SSR3: variants seen among roughly 807,000 people sequenced by gnomAD.
SSR3 encodes the protein translocon-associated protein subunit gamma.
SSR3 carries 10 observed loss-of-function variants against 22.1 expected under a neutral mutation model. The ratio of observed to expected loss-of-function variants is 0.45; its 90% CI spans 0.28 to 0.77. The LOEUF is 0.77. Among genes scored for constraint, SSR3 ranks in the 30% least tolerant of loss-of-function variants. The pLI is 0.13. For synonymous variants in SSR3, 104 were observed against 82.5 expected (o/e 1.26, Z -1.42); for missense variants, 181 against 220.5 (o/e 0.82, Z 1.13).
In SSR3 at chr3:156,540,526, A is replaced by T. The variant is rs1330449309; in HGVS notation, c.*2677T>A. On this transcript the variant is annotated 3_prime_UTR_variant, in exon 5 of 5. Coordinates refer to ENST00000265044, the MANE Select transcript of SSR3 (RefSeq NM_007107.5). ...CAGGCTGAGGCAGGAGAATGGCGTG[A>T]ACCTGGGAGGCGGAGCTCGCAGTGA... 1 of 145,880 alleles carries T rather than the reference A, an allele frequency of 6.9e-6. No individual in the cohort carries two copies. Among genetic ancestry groups the T allele is most frequent in the Non-Finnish European group, 1.5e-5 (1 of 67,220 alleles). 9.0% of individuals were successfully genotyped at this position (145,880 alleles called of 1,614,324 possible).
intron 3 of SSR3, among the ~76,000 whole-genome samples, chr3:156,546,194 G>C (rs979919214): frequency 6.6e-6 from 1 of 152,208 alleles, no homozygotes; most frequent in Admixed American, 6.5e-5. Context: ...TGCCACTCTC[G>C]TGACAGTGAG....
At position 156,541,276 on chromosome 3, in the gene SSR3, G is replaced by C. The variant is rs1442732694; in HGVS notation, c.*1927C>G. 6.6e-6 allele frequency: 1 copy of C among 152,118 alleles called. No individual in the cohort carries two copies. The highest frequency in any genetic ancestry group is 2.4e-5 in the African/African-American group (1 of 41,412). The allele number at this position is 152,118 out of a possible 1,614,324, so 9.4% of individuals were successfully genotyped here. On this transcript the variant is annotated 3_prime_UTR_variant, in exon 5 of 5. Transcript: ENST00000265044. ...TTCACCAGCAATTTTAAAAGATAGT[G>C]GCCCAACTCTGGTAACAAATAGTGG...
rs1576998090 is a variant in SSR3 at position 156,543,134 on chromosome 3, A to C, written c.*69T>G. On this transcript the variant is annotated 3_prime_UTR_variant, in exon 5 of 5. Coordinates refer to ENST00000265044, the MANE Select transcript of SSR3 (RefSeq NM_007107.5). ...ACATCTTGTGTCTCCCACCCTGACC[A>C]CCCTGCTACTTTTCCATATACCACA... is the stretch of plus-strand genomic sequence containing the variant. The C allele has an allele frequency of 7.1e-7, 1 of 1,404,838 alleles. No individual in the cohort carries two copies. Among genetic ancestry groups the C allele is most frequent in the African/African-American group, 1.4e-5 (1 of 69,932 alleles). The allele number at this position is 1,404,838 out of a possible 1,614,324, so 87.0% of individuals were successfully genotyped here.
chr3:156,544,415 A>T lies in SSR3; in HGVS notation c.384T>A (p.Val128=). The T allele has an allele frequency of 6.3e-7, 1 of 1,585,948 alleles. No individual in the cohort carries two copies. Among genetic ancestry groups the T allele is most frequent in the Non-Finnish European group, 8.6e-7 (1 of 1,167,044 alleles). The part of the protein sequence containing the change: ...DERILWKKNE[V]ADYEATTFSI... ...AAAATGTTGTAGCTTCATAATCAGC[A>T]ACTTCATTCTTCTTCCACAAGATTC... The change falls in exon 4 of 5, where the codon GTT becomes GTA. Residue 128 remains valine, a synonymous_variant. Coordinates refer to ENST00000265044, the MANE Select transcript of SSR3 (RefSeq NM_007107.5).
At chr3:156,543,314 G>A (rs1215710199) in intron 4 of SSR3, 45 bp from the exon 5 acceptor site, 2 of 1,520,784 alleles carry the variant, frequency 1.3e-6, no homozygotes, top group African/African-American at 2.8e-5. Flanking sequence ...ACTCCAAATT[G>A]GTTTTTTGAG....
At chr3:156,543,347 G>T in intron 4 of SSR3, 78 bp from the exon 5 acceptor site, 1 of 1,033,846 alleles carries the variant, frequency 9.7e-7, no homozygotes, top group Non-Finnish European at 1.5e-6. Context: ...CCATCTCTTT[G>T]GAATGTACTG....
intron 2 of SSR3, chr3:156,551,330 G>A (rs1463600731): frequency 6.6e-6 from 1 of 152,072 alleles, no homozygotes; most frequent in African/African-American, 2.4e-5. Flanking sequence ...ATGTTATGAA[G>A]AATAAGTAAA....
At position 156,543,182 on chromosome 3, in the gene SSR3, A is replaced by G; in HGVS notation, c.*21T>C. On this transcript the variant is annotated 3_prime_UTR_variant, in exon 5 of 5. Transcript: ENST00000265044. ...ACAGGCCACCCATAGACACAAAGCCAGGGGGTGAAGCTGACATGGTCTATT... is the reference window on the plus strand; with the variant it reads ...ACAGGCCACCCATAGACACAAAGCCGGGGGGTGAAGCTGACATGGTCTATT... 6.2e-7 allele frequency: 1 copy of G among 1,611,708 alleles called. No individual in the cohort carries two copies. The highest frequency in any genetic ancestry group is 8.5e-7 in the Non-Finnish European group (1 of 1,178,632).
At position 156,553,678 on chromosome 3, in the gene SSR3, A is replaced by G; in HGVS notation, c.237T>C (p.Asn79=). The G allele has an allele frequency of 6.2e-7, 1 of 1,611,848 alleles. No individual in the cohort carries two copies. The highest frequency in any genetic ancestry group is 8.5e-7 in the Non-Finnish European group (1 of 1,179,808). Residue 79 remains asparagine, a synonymous_variant, in exon 2 of 5, where the codon AAT becomes AAC. Transcript: ENST00000265044. The part of the protein sequence containing the change: ...STYLVAFAYK[N]VKFVLKHKVA... ...ACTTGTGCTTGAGAACAAATTTCAC[A>G]TTCTTGTATGCAAAGGCTACCAAAT...
rs946976180 is a variant in SSR3 at position 156,554,555 on chromosome 3, C to T, written c.133+402G>A. ...TCAGTGGGTCACTTCATGGGTTTCTCACCTAACTAATTTATGCAAAATAAG... is the reference window on the plus strand; with the variant it reads ...TCAGTGGGTCACTTCATGGGTTTCTTACCTAACTAATTTATGCAAAATAAG... On this transcript the variant is annotated intron_variant, in intron 1 of 4. Coordinates refer to ENST00000265044, the MANE Select transcript of SSR3 (RefSeq NM_007107.5). 3.3e-5 allele frequency among the ~76,000 whole-genome samples: 5 copies of T among 152,192 alleles called. No homozygotes were observed. The South Asian group carries it at 8.3e-4, about 25-fold the overall frequency.
intron 3 of SSR3, 22 bp downstream of exon 3, chr3:156,548,883 A>T: frequency 6.2e-7 from 1 of 1,611,000 alleles, no homozygotes; most frequent in Non-Finnish European, 8.5e-7. Flanking sequence ...TATGATGGCC[A>T]TACTTTAAAC....
intron 2 of SSR3, 57 bp from the exon 3 acceptor site, chr3:156,549,060 ACT>A (rs1401517354): frequency 3.9e-6 from 6 of 1,525,958 alleles, no homozygotes; most frequent in African/African-American, 1.4e-5. Context: ...TGAACATCAC[ACT>A]CTCTCAGAAA....
At chr3:156,549,189 A>C in intron 2 of SSR3, 186 bp from the exon 3 acceptor site, 1 of 501,392 alleles carries the variant, frequency 2.0e-6, no homozygotes, top group African/African-American at 1.9e-5. Flanking sequence ...GAAGTTCGAG[A>C]AATGTCCAAG....
intron 2 of SSR3, chr3:156,551,457 T>C (rs1719952042): frequency 6.6e-6 from 1 of 151,990 alleles, no homozygotes. Context: ...CAGGAAACAG[T>C]CCCATACAGT....
At chr3:156,548,053 A>G (rs139499963) in intron 3 of SSR3, among the ~76,000 whole-genome samples, 22 of 152,364 alleles carry the variant, frequency 1.4e-4, no homozygotes, top group African/African-American at 4.8e-4. Flanking sequence ...TAACAATGGA[A>G]GTTCACACAA....
In SSR3 at chr3:156,541,389, T is replaced by C. The variant is rs6764992; in HGVS notation, c.*1814A>G. ...TCAAACTATGGTCTGGCTTTTTTTT[T>C]TAACCAACAGTAAAGAAAACTTTTT... On this transcript the variant is annotated 3_prime_UTR_variant, in exon 5 of 5. Coordinates refer to ENST00000265044, the MANE Select transcript of SSR3 (RefSeq NM_007107.5). 15,055 of 152,236 alleles carry C rather than the reference T, an allele frequency of 0.099. 788 individuals are homozygous for C. Among genetic ancestry groups the C allele is most frequent in the Non-Finnish European group, 0.11 (7,708 of 68,006 alleles). 9.4% of individuals were successfully genotyped at this position (152,236 alleles called of 1,614,324 possible). A position where few individuals can be genotyped will look rare whatever the true frequency, so the allele number is the denominator to read the frequency against.
At chr3:156,553,863 T>G in intron 1 of SSR3, 82 bp from the exon 2 acceptor site, 3 of 1,387,700 alleles carry the variant, frequency 2.2e-6, no homozygotes, top group Non-Finnish European at 2.9e-6. Context: ...AAATTAATTA[T>G]AGCTAAGCCT....
intron 2 of SSR3, among the ~76,000 whole-genome samples, chr3:156,550,164 A>AC (rs1559945258): frequency 6.6e-6 from 1 of 152,224 alleles, no homozygotes; most frequent in Non-Finnish European, 1.5e-5. Context: ...CTTGAACTTA[A>AC]CATCAGACAA....
chr3:156,549,218 G>A (rs748961072), intron 2 of SSR3: 16 of 422,472 alleles, frequency 3.8e-5, no homozygotes, highest in African/African-American at 1.6e-4. Context: ...TATTAGTGAC[G>A]TGTTTTGATT....
Sources: allele counts gnomAD v4.1 joint callset (sites outside exome capture counted in the v4.1 genomes callset), GRCh38; gene constraint gnomAD v4.1.1; transcripts MANE v1.5; gene names NCBI Gene and HGNC (gene_info 2026-07-23, HGNC 2026-07-21).